VLDLR: variants seen among roughly 807,000 people sequenced by gnomAD.
VLDLR encodes very low density lipoprotein receptor.
A neutral mutation model predicts 112.7 loss-of-function variants in VLDLR; 81 were observed. The observed-to-expected ratio is 0.72, with a 90% CI of 0.60 to 0.86. VLDLR has a LOEUF of 0.86. VLDLR is among the 40% of genes least tolerant of loss of function. The pLI, the probability that VLDLR is intolerant of heterozygous loss-of-function variation, is 0.00. For synonymous variants in VLDLR, 436 were observed against 384.8 expected (o/e 1.13, Z -1.56); for missense variants, 1,237 against 1,099.4 (o/e 1.13, Z -1.77).
intron 16 of VLDLR, among the ~76,000 whole-genome samples, 173 bp downstream of exon 16, chr9:2,651,671 G>A (rs568583329): frequency 6.6e-6 from 1 of 152,270 alleles, no homozygotes; most frequent in Admixed American, 6.5e-5. Context: ...GATCTTAAAG[G>A]TTTCTAGTAG....
chr9:2,643,865 C>G lies in VLDLR; in HGVS notation c.972C>G (p.Phe324Leu), dbSNP rs1181499849. The G allele has an allele frequency of 1.9e-6, 3 of 1,614,172 alleles. No homozygotes were observed. The highest frequency in any genetic ancestry group is 2.5e-6 in the Non-Finnish European group (3 of 1,180,038). The change falls in exon 7 of 19, where the codon TTC (phenylalanine) becomes TTG (leucine). Residue 324 changes from phenylalanine to leucine, a missense_variant. Transcript: ENST00000382100. ...ATCAGTGCTTGGGCCCTGGAAAATTCAAGTGCAGAAGTGGAGAATGCATAG... is the reference window on the plus strand; with the variant it reads ...ATCAGTGCTTGGGCCCTGGAAAATTGAAGTGCAGAAGTGGAGAATGCATAG... ...NVNQCLGPGK[F>L]KCRSGECIDI...
rs148499851 is a variant in VLDLR, at chr9:2,655,368, G to C, written c.*1500G>C. ...AAAGTCTCAGGATGTCTGGAAGCAA[G>C]GAAAGACAAAAGACTTGAAGCACCG... On this transcript the variant is annotated 3_prime_UTR_variant, in exon 19 of 19. Coordinates refer to ENST00000382100, the MANE Select transcript of VLDLR (RefSeq NM_003383.5). 2.3e-4 allele frequency: 35 copies of C among 152,240 alleles called. No homozygotes were observed. Among genetic ancestry groups the C allele is most frequent in the African/African-American group, 7.5e-4 (31 of 41,538 alleles). 9.4% of individuals were successfully genotyped at this position (152,240 alleles called of 1,614,324 possible).
At chr9:2,623,643 G>C (rs1290097567) in intron 1 of VLDLR, among the ~76,000 whole-genome samples, 4 of 152,226 alleles carry the variant, frequency 2.6e-5, no homozygotes, top group Non-Finnish European at 4.4e-5. Flanking sequence ...TCTGCGATTG[G>C]TTAGCGGTGC....
chr9:2,643,819 CTTTG>C lies in VLDLR; in HGVS notation c.944-14_944-11del. On this transcript the variant is annotated splice_polypyrimidine_tract_variant and intron_variant, in intron 6 of 18. Coordinates refer to ENST00000382100, the MANE Select transcript of VLDLR (RefSeq NM_003383.5). ...CAGACCCACTCATGGAATCTCTCTT[CTTTG>C]TTTCTCTTTGTAGTCAATCAGTGCT... The C allele has an allele frequency of 6.2e-7, 1 of 1,614,188 alleles. No homozygotes were observed. Among genetic ancestry groups the C allele is most frequent in the Non-Finnish European group, 8.5e-7 (1 of 1,180,032 alleles).
At chr9:2,653,521 G>C (rs550100242) in intron 18 of VLDLR, among the ~76,000 whole-genome samples, 2 of 152,100 alleles carry the variant, frequency 1.3e-5, no homozygotes, top group Non-Finnish European at 2.9e-5. Context: ...CTCAAACTCC[G>C]GTGAAACATG....
At chr9:2,627,065 C>CCGG (rs149908156) in intron 1 of VLDLR, among the ~76,000 whole-genome samples, 1 of 151,638 alleles carries the variant, frequency 6.6e-6, no homozygotes, top group East Asian at 1.9e-4. Context: ...GACCATAGCA[C>CCGG]TGGTTCCTTC....
intron 14 of VLDLR, among the ~76,000 whole-genome samples, chr9:2,649,168 ATG>A (rs1818200494): frequency 6.6e-5 from 10 of 152,116 alleles, no homozygotes; most frequent in African/African-American, 2.2e-4. Context: ...GATTTTTGCA[ATG>A]AAGTACCACA....
intron 1 of VLDLR, among the ~76,000 whole-genome samples, chr9:2,624,322 C>G (rs1816983386): frequency 1.3e-5 from 2 of 152,190 alleles, no homozygotes. Context: ...GTCTTAAGTT[C>G]AAAGTCTCAG....
intron 1 of VLDLR, among the ~76,000 whole-genome samples, chr9:2,622,739 G>A (rs1031341383): frequency 6.6e-6 from 1 of 152,172 alleles, no homozygotes; most frequent in Non-Finnish European, 1.5e-5. Context: ...GAGCGCCTCC[G>A]GGGACGCGGA....
intron 2 of VLDLR, among the ~76,000 whole-genome samples, chr9:2,638,651 C>G (rs1373166207): frequency 6.6e-6 from 1 of 152,160 alleles, no homozygotes. Flanking sequence ...TTAGGACAGT[C>G]CTGGTTTATG....
At chr9:2,650,330 C>G in intron 14 of VLDLR, 40 bp from the exon 15 acceptor site, 4 of 1,612,602 alleles carry the variant, frequency 2.5e-6, no homozygotes, top group Non-Finnish European at 3.4e-6. Flanking sequence ...ATACTAGGCA[C>G]CGGAATACCC....
At chr9:2,624,874 C>T (rs1545565) in intron 1 of VLDLR, among the ~76,000 whole-genome samples, 135,572 of 152,184 alleles carry the variant, frequency 0.89, 60,511 homozygotes, top group Non-Finnish European at 0.92. Flanking sequence ...TCATGAAATC[C>T]AGTGTAGCTT....
chr9:2,650,008 A>G (rs1336195910), intron 14 of VLDLR, among the ~76,000 whole-genome samples: 1 of 152,180 alleles, frequency 6.6e-6, no homozygotes, highest in Non-Finnish European at 1.5e-5. Context: ...AAGTCAAGAG[A>G]AAACCAGGAG....
At chr9:2,640,207 T>TG (rs1371353866) in intron 3 of VLDLR, among the ~76,000 whole-genome samples, 5 of 152,334 alleles carry the variant, frequency 3.3e-5, no homozygotes, top group Admixed American at 2.6e-4. Context: ...GCTTCACTAT[T>TG]GAATACTTAA....
rs1818579226 is a variant in VLDLR, at chr9:2,655,790, C to T, written c.*1922C>T. ...AGAACTGTCTGCTCTCCACCTTTTC[C>T]TCACTCTACATTTAGTCATCACACT... On this transcript the variant is annotated 3_prime_UTR_variant, in exon 19 of 19. Coordinates refer to ENST00000382100, the MANE Select transcript of VLDLR (RefSeq NM_003383.5). The T allele has an allele frequency of 6.6e-6, 1 of 152,114 alleles. No homozygotes were observed. Among genetic ancestry groups the T allele is most frequent in the Admixed American group, 6.5e-5 (1 of 15,278 alleles). 9.4% of individuals were successfully genotyped at this position (152,114 alleles called of 1,614,324 possible). A position where few individuals can be genotyped will look rare whatever the true frequency, so the allele number is the denominator to read the frequency against.
intron 1 of VLDLR, among the ~76,000 whole-genome samples, chr9:2,633,165 A>G (rs2130773630): frequency 1.3e-5 from 2 of 152,154 alleles, no homozygotes; most frequent in South Asian, 4.2e-4. Context: ...ATCTCGGATA[A>G]GAAAAGCTAG....
At chr9:2,624,767 A>G (rs1208950361) in intron 1 of VLDLR, among the ~76,000 whole-genome samples, 5 of 152,222 alleles carry the variant, frequency 3.3e-5, no homozygotes, top group Admixed American at 3.3e-4. Context: ...TGAAGGTATG[A>G]CGATGATAGT....
At chr9:2,653,488 A>G (rs902042757) in intron 18 of VLDLR, among the ~76,000 whole-genome samples, 3 of 152,236 alleles carry the variant, frequency 2.0e-5, no homozygotes, top group African/African-American at 7.2e-5. Flanking sequence ...AGGCTGAACA[A>G]AACAAGTATT....
chr9:2,622,037 C>T lies in VLDLR; in HGVS notation c.-153C>T, dbSNP rs1226755926. On this transcript the variant is annotated 5_prime_UTR_variant, in exon 1 of 19. Transcript: ENST00000382100. ...TAGGGGAGGGGGTGCCCTCTTCTTCCCCGCTCCCTTCCCCCGCCAACTCCT... is the reference window on the plus strand; with the variant it reads ...TAGGGGAGGGGGTGCCCTCTTCTTCTCCGCTCCCTTCCCCCGCCAACTCCT... 1 of 762,754 alleles carries T rather than the reference C, an allele frequency of 1.3e-6. No individual in the cohort carries two copies. Among genetic ancestry groups the T allele is most frequent in the Non-Finnish European group, 2.0e-6 (1 of 489,644 alleles). The allele number at this position is 762,754 out of a possible 1,614,324, so 47.2% of individuals were successfully genotyped here. A position where few individuals can be genotyped will look rare whatever the true frequency, so the allele number is the denominator to read the frequency against.
Sources: allele counts gnomAD v4.1 joint callset (sites outside exome capture counted in the v4.1 genomes callset), GRCh38; gene constraint gnomAD v4.1.1; transcripts MANE v1.5; gene names NCBI Gene and HGNC (gene_info 2026-07-23, HGNC 2026-07-21).